JADE1: variants seen among roughly 807,000 people sequenced by gnomAD.
JADE1 encodes jade family PHD finger 1, also known as protein Jade-1.
In JADE1, 14 loss-of-function variants were observed where a neutral mutation model predicts 81.8. The ratio of observed to expected loss-of-function variants is 0.17; its 90% CI spans 0.11 to 0.27. The LOEUF is 0.27. Ranked by LOEUF, JADE1 falls within the 10% of genes least tolerant of loss-of-function variation. The pLI is 1.00. For missense variants in JADE1, 690 were observed against 1,047.9 expected, an observed-to-expected ratio of 0.66 and a Z score of 4.71; for synonymous variants, 353 against 391.9, an observed-to-expected ratio of 0.90 and a Z score of 1.17.
At chr4:128,813,603 AG>A (rs1726704446) in intron 1 of JADE1, among the ~76,000 whole-genome samples, 1 of 151,514 alleles carries the variant, frequency 6.6e-6, no homozygotes, top group African/African-American at 2.4e-5. Context: ...TTGTATTTTT[AG>A]TAGAGACGGG....
intron 1 of JADE1, among the ~76,000 whole-genome samples, chr4:128,823,728 T>C (rs1245229509): frequency 1.3e-5 from 2 of 152,258 alleles, no homozygotes; most frequent in Non-Finnish European, 2.9e-5. Context: ...TGTATGACTT[T>C]ATTTTTGACT....
chr4:128,830,112 G>A (rs1044637531), intron 1 of JADE1, among the ~76,000 whole-genome samples: 2 of 150,166 alleles, frequency 1.3e-5, no homozygotes, highest in South Asian at 2.1e-4. Flanking sequence ...TGCTGACCTC[G>A]TGATCCTCCC....
chr4:128,862,525 C>T (rs1406288385), intron 9 of JADE1: 1 of 1,235,200 alleles, frequency 8.1e-7, no homozygotes, highest in African/African-American at 1.5e-5. Context: ...CCCATTCCTT[C>T]ATTCTAGAGC....
In JADE1 at chr4:128,852,038, G is replaced by T; in HGVS notation, c.485-19G>T. On this transcript the variant is annotated intron_variant, in intron 5 of 10. Transcript: ENST00000226319. ...ATATGGATTTATTAAAATGGGTTTT[G>T]TGGCATTTTTAACTTCAGGAATGCC... 1.3e-6 allele frequency: 2 copies of T among 1,554,578 alleles called. No individual in the cohort carries two copies. The highest frequency in any genetic ancestry group is 1.8e-6 in the Non-Finnish European group (2 of 1,126,338).
chr4:128,857,553 G>C lies in JADE1; in HGVS notation c.981+99G>C, dbSNP rs879226444. 6 of 943,556 alleles carry C rather than the reference G, an allele frequency of 6.4e-6. No individual in the cohort carries two copies. In the South Asian group the frequency reaches 9.0e-5, roughly 14 times the overall value. 58.4% of individuals were successfully genotyped at this position (943,556 alleles called of 1,614,324 possible). ...GAACTGTCCAAGGGTTTGGAGAGGG[G>C]ACTAGAATCCAGGAAGCAGGACGAG... On this transcript the variant is annotated intron_variant, in intron 8 of 10. Transcript: ENST00000226319.
intron 1 of JADE1, chr4:128,827,934 AT>A: frequency 4.1e-6 from 4 of 980,816 alleles, no homozygotes; most frequent in Non-Finnish European, 4.8e-6. Flanking sequence ...TGCCCCAAAC[AT>A]GCCCCTTTTT....
At chr4:128,837,702 G>A (rs1729095656) in intron 2 of JADE1, among the ~76,000 whole-genome samples, 1 of 152,184 alleles carries the variant, frequency 6.6e-6, no homozygotes, top group African/African-American at 2.4e-5. Flanking sequence ...GTGTGCCCTT[G>A]CTGTGACACC....
intron 1 of JADE1, chr4:128,811,728 C>T (rs1222004365): frequency 6.7e-6 from 1 of 148,368 alleles, no homozygotes; most frequent in Non-Finnish European, 1.5e-5. Flanking sequence ...GCCCCCGCCC[C>T]GGGAACGGCC....
At chr4:128,867,791 TA>T in intron 9 of JADE1, 64 bp from the exon 10 acceptor site, 1 of 1,054,344 alleles carries the variant, frequency 9.5e-7, no homozygotes, top group Non-Finnish European at 1.4e-6. Flanking sequence ...TAAAGAAATT[TA>T]AAAAGCACCA....
intron 1 of JADE1, among the ~76,000 whole-genome samples, chr4:128,826,119 C>T (rs1051565602): frequency 1.3e-4 from 20 of 152,200 alleles, no homozygotes; most frequent in South Asian, 4.1e-4. Context: ...TTATGTTTCT[C>T]GTGGCAAGTG....
Position 128,874,731 on chromosome 4 carries a change from G to GTTT in JADE1, c.*2475_*2477dup, listed in dbSNP as rs994753082. 6.6e-6 allele frequency: 1 copy of GTTT among 151,276 alleles called. No homozygotes were observed. Among genetic ancestry groups the GTTT allele is most frequent in the African/African-American group, 2.5e-5 (1 of 40,454 alleles). 9.4% of individuals were successfully genotyped at this position (151,276 alleles called of 1,614,324 possible). On this transcript the variant is annotated 3_prime_UTR_variant, in exon 11 of 11. Coordinates refer to ENST00000226319, the MANE Select transcript of JADE1 (RefSeq NM_199320.4). ...TATTAGTATGGAACCATTTGCATTT[G>GTTT]TTTTTTTTAAGCTTTATCTTTCCTT...
Position 128,871,956 on chromosome 4 carries a change from T to C in JADE1, c.2223T>C (p.Pro741=), listed in dbSNP as rs751165884. 6.2e-7 allele frequency: 1 copy of C among 1,613,900 alleles called. No homozygotes were observed. The highest frequency in any genetic ancestry group is 8.5e-7 in the Non-Finnish European group (1 of 1,179,940). The part of the protein sequence containing the change: ...NQTAVKVPTT[P]ASPVKNWGGF... Reference sequence around the variant, plus strand: ...CTGCAGTCAAAGTGCCTACAACACCTGCCAGCCCAGTGAAAAACTGGGGAG... The same window carrying C: ...CTGCAGTCAAAGTGCCTACAACACCCGCCAGCCCAGTGAAAAACTGGGGAG... The change falls in exon 11 of 11, where the codon CCT becomes CCC. Residue 741 remains proline, a synonymous_variant. Transcript: ENST00000226319. This position sits in a 1 kb window ranked among gnomAD's most constrained non-coding sequence, Gnocchi z 4.1.
chr4:128,869,677 TG>T (rs752989165), intron 10 of JADE1, among the ~76,000 whole-genome samples: 2 of 152,226 alleles, frequency 1.3e-5, no homozygotes, highest in Admixed American at 6.5e-5. Flanking sequence ...AGTTATTTTG[TG>T]GTAACAGAGC....
At chr4:128,842,901 C>T in intron 2 of JADE1, 52 bp from the exon 3 acceptor site, 2 of 1,521,956 alleles carry the variant, frequency 1.3e-6, no homozygotes, top group Non-Finnish European at 9.1e-7. Context: ...TGAGAACACT[C>T]AGTGACCCCT....
intron 1 of JADE1, among the ~76,000 whole-genome samples, chr4:128,815,569 T>G (rs1726958226): frequency 6.6e-6 from 1 of 152,210 alleles, no homozygotes; most frequent in East Asian, 1.9e-4. Flanking sequence ...ACAGACTTGT[T>G]GGAAAAAGAT....
intron 10 of JADE1, among the ~76,000 whole-genome samples, chr4:128,870,010 C>T (rs189286706): frequency 3.9e-5 from 6 of 152,100 alleles, no homozygotes; most frequent in Admixed American, 3.3e-4. Context: ...CTGAGAGTGT[C>T]CTCAGTGGCA....
At chr4:128,814,649 C>T (rs551953611) in intron 1 of JADE1, among the ~76,000 whole-genome samples, 1 of 150,910 alleles carries the variant, frequency 6.6e-6, no homozygotes, top group East Asian at 1.9e-4. Context: ...GCAACCTATG[C>T]CTCCCAGGTT....
In JADE1 at chr4:128,871,305, G is replaced by C; in HGVS notation, c.1622-50G>C. The C allele has an allele frequency of 6.5e-7, 1 of 1,531,170 alleles. No individual in the cohort carries two copies. The highest frequency in any genetic ancestry group is 8.9e-7 in the Non-Finnish European group (1 of 1,126,626). The allele number at this position is 1,531,170 out of a possible 1,614,324, so 94.8% of individuals were successfully genotyped here. On this transcript the variant is annotated intron_variant, in intron 10 of 10. Coordinates refer to ENST00000226319, the MANE Select transcript of JADE1 (RefSeq NM_199320.4). The surrounding 1 kb of genome is among the most constrained non-coding windows in gnomAD (Gnocchi z 4.1). ...TAAGGGTGTAGAATTTTATTCTTTT[G>C]GATTTGCTTCTGCTGTAATTTTTCT...
At chr4:128,863,373 A>T in intron 9 of JADE1, 1 of 985,576 alleles carries the variant, frequency 1.0e-6, no homozygotes, top group South Asian at 4.7e-5. Flanking sequence ...GGCCTGAAGC[A>T]GTCTGCACTG....
Sources: allele counts gnomAD v4.1 joint callset (sites outside exome capture counted in the v4.1 genomes callset), GRCh38; gene constraint gnomAD v4.1.1; non-coding constraint Gnocchi (gnomAD v3.1); transcripts MANE v1.5; gene names NCBI Gene and HGNC (gene_info 2026-07-23, HGNC 2026-07-21).